Variants in SRL observed in about 807,000 individuals in gnomAD.
SRL encodes sarcalumenin.
SRL carries 23 observed loss-of-function variants against 39.5 expected under a neutral mutation model. The observed-to-expected ratio is 0.58, with a 90% CI of 0.42 to 0.82. The LOEUF (loss-of-function observed/expected upper bound fraction) is 0.82. Among genes scored for constraint, SRL ranks in the 40% least tolerant of loss-of-function variants. The probability of loss-of-function intolerance (pLI) is 0.00; values close to 1 mark genes in which losing one functional copy is unlikely to be tolerated. For synonymous variants in SRL, 272 were observed against 237.4 expected, an observed-to-expected ratio of 1.15 and a Z score of -1.34; for missense variants, 592 against 607.8, an observed-to-expected ratio of 0.97 and a Z score of 0.27.
chr16:4,221,805 G>A (rs148551620), intron 1 of SRL, among the ~76,000 whole-genome samples: 33 of 152,274 alleles, frequency 2.2e-4, no homozygotes, highest in East Asian at 1.5e-3. Context: ...AGACTCCTTC[G>A]TTGCCTCTCT....
chr16:4,197,981 G>A (rs1014034091), intron 3 of SRL, 66 bp from the exon 4 acceptor site: 39 of 1,040,002 alleles, frequency 3.7e-5, no homozygotes, highest in African/African-American at 2.5e-4. Context: ...GTATGGCACC[G>A]TACTCCAAAG....
chr16:4,208,746 C>A (rs1261778541), intron 1 of SRL, among the ~76,000 whole-genome samples: 2 of 151,884 alleles, frequency 1.3e-5, no homozygotes, highest in African/African-American at 2.4e-5. Flanking sequence ...TAAGGGCAGG[C>A]ATTTGCTGGC....
intron 1 of SRL, 138 bp from the exon 2 acceptor site, chr16:4,204,772 G>T: frequency 1.5e-6 from 1 of 674,254 alleles, no homozygotes; most frequent in Non-Finnish European, 2.6e-6. Context: ...ACTGAGCTCT[G>T]CCTTTAGGAA....
intron 1 of SRL, among the ~76,000 whole-genome samples, chr16:4,228,547 AAC>A (rs1211106511): frequency 1.3e-5 from 2 of 152,016 alleles, no homozygotes; most frequent in African/African-American, 4.8e-5. Flanking sequence ...CATCCTGGCT[AAC>A]ACGGTGAAAC....
intron 1 of SRL, among the ~76,000 whole-genome samples, chr16:4,218,908 C>A (rs1343678412): frequency 6.6e-6 from 1 of 152,258 alleles, no homozygotes; most frequent in Non-Finnish European, 1.5e-5. Context: ...GCTCATAGAC[C>A]TCTCTGGAAA....
intron 4 of SRL, among the ~76,000 whole-genome samples, chr16:4,196,351 C>G (rs1242817162): frequency 1.3e-5 from 2 of 152,162 alleles, no homozygotes; most frequent in African/African-American, 4.8e-5. Flanking sequence ...CATCCAGGTC[C>G]AGAATGTTTT....
intron 5 of SRL, among the ~76,000 whole-genome samples, chr16:4,193,310 G>A (rs2052093337): frequency 2.0e-5 from 3 of 152,156 alleles, no homozygotes; most frequent in Non-Finnish European, 4.4e-5. Context: ...TGGGGTAATA[G>A]GCGTGAGCCA....
Position 4,204,595 on chromosome 16 carries a change from T to TC in SRL, c.100dup (p.Asp34GlyfsTer13). On this transcript the variant is annotated frameshift_variant, in exon 2 of 6. Coordinates refer to ENST00000399609, the MANE Select transcript of SRL (RefSeq NM_001098814.2). LOFTEE classifies it high-confidence loss of function. Reference sequence around the variant, plus strand: ...GAGGGTCTTCTCGATGTGGGAGCGGTCCCTCAATGGGGCTTCTTCATTTGC... The same window carrying TC: ...GAGGGTCTTCTCGATGTGGGAGCGGTCCCCTCAATGGGGCTTCTTCATTTGC... 4 of 1,614,170 alleles carry TC rather than the reference T, an allele frequency of 2.5e-6. No individual in the cohort carries two copies. Among genetic ancestry groups the TC allele is most frequent in the Middle Eastern group, 1.6e-4 (1 of 6,062 alleles).
Position 4,232,692 on chromosome 16 carries a change from T to C in SRL, c.61+9315A>G, listed in dbSNP as rs138792598. On this transcript the variant is annotated intron_variant, in intron 1 of 5. Transcript: ENST00000399609. ...TGCCTGGCTAATTGTTGTATTTTTT[T>C]GTAGAGATGGGGTTTCTCCATGTTG... is the stretch of plus-strand genomic sequence containing the variant. Among the ~76,000 whole-genome samples the C allele has an allele frequency of 5.8e-3, 880 of 152,266 alleles. 10 individuals are homozygous for C. The highest frequency in any genetic ancestry group is 0.02 in the African/African-American group (832 of 41,534).
intron 2 of SRL, 108 bp downstream of exon 2, chr16:4,204,425 C>CAAGATACAGCCCTGGCCTCT: frequency 1.7e-6 from 1 of 603,778 alleles, no homozygotes. Context: ...CCCCGGCCTC[C>CAAGATACAGCCCTGGCCTCT]AAGATACAGC....
intron 3 of SRL, among the ~76,000 whole-genome samples, chr16:4,200,544 G>C (rs369040630): frequency 6.6e-6 from 1 of 152,216 alleles, no homozygotes; most frequent in South Asian, 2.1e-4. Flanking sequence ...CCTCCCTGCA[G>C]AGCGCCATGC....
chr16:4,218,437 G>A (rs1278968070), intron 1 of SRL, among the ~76,000 whole-genome samples: 2 of 152,140 alleles, frequency 1.3e-5, no homozygotes, highest in Non-Finnish European at 2.9e-5. Context: ...TGAGCACTGG[G>A]AGTAAGACAA....
chr16:4,231,365 T>C (rs1230204941), intron 1 of SRL, among the ~76,000 whole-genome samples: 1 of 152,120 alleles, frequency 6.6e-6, no homozygotes, highest in Non-Finnish European at 1.5e-5. Context: ...TGGCAAGTTG[T>C]TACCGTGGTC....
chr16:4,222,378 G>T (rs2052540603), intron 1 of SRL, among the ~76,000 whole-genome samples: 2 of 152,200 alleles, frequency 1.3e-5, no homozygotes, highest in African/African-American at 4.8e-5. Flanking sequence ...GGGTTCAAGT[G>T]ATTCTCCTGC....
At chr16:4,208,604 T>C (rs2052355770) in intron 1 of SRL, among the ~76,000 whole-genome samples, 1 of 152,192 alleles carries the variant, frequency 6.6e-6, no homozygotes, top group Non-Finnish European at 1.5e-5. Flanking sequence ...AGCAGGCTTT[T>C]AATACTGCTC....
chr16:4,208,811 G>A (rs1567180363), intron 1 of SRL, among the ~76,000 whole-genome samples: 1 of 152,118 alleles, frequency 6.6e-6, no homozygotes, highest in Non-Finnish European at 1.5e-5. Context: ...TCTAAAACAG[G>A]CCGGGCCTGG....
At chr16:4,199,733 G>A (rs981797580) in intron 3 of SRL, among the ~76,000 whole-genome samples, 5 of 106,406 alleles carry the variant, frequency 4.7e-5, no homozygotes, top group Admixed American at 1.4e-4. Context: ...GTCTTGCTCT[G>A]TTCCCCAGGC....
At chr16:4,222,877 T>A (rs1322006720) in intron 1 of SRL, among the ~76,000 whole-genome samples, 1 of 152,116 alleles carries the variant, frequency 6.6e-6, no homozygotes, top group Non-Finnish European at 1.5e-5. Context: ...ATGGATCACC[T>A]GAGGTCAGGA....
chr16:4,211,682 G>A (rs969128865), intron 1 of SRL, among the ~76,000 whole-genome samples: 1 of 147,614 alleles, frequency 6.8e-6, no homozygotes, highest in Admixed American at 6.8e-5. Flanking sequence ...GATGAGGATC[G>A]TGATGATGAT....
Sources: gnomAD v4.1 joint callset for allele counts (sites outside exome capture counted in the v4.1 genomes callset) on GRCh38, gnomAD v4.1.1 for gene constraint, MANE v1.5 for transcripts, NCBI Gene and HGNC (gene_info 2026-07-23, HGNC 2026-07-21) for gene names.